Variants in VAMP5 observed in about 807,000 individuals in gnomAD.
The protein encoded by VAMP5 is vesicle associated membrane protein 5, also known as vesicle-associated membrane protein 5.
In VAMP5, 10 loss-of-function variants were observed where a neutral mutation model predicts 8.1. That is an observed-to-expected ratio of 1.23 (90% CI 0.76 to 2.09). The LOEUF is 2.09. Ranked by LOEUF, VAMP5 falls within the 30% of genes most tolerant of loss-of-function variation. The probability of loss-of-function intolerance (pLI) is 0.00; values close to 1 mark genes in which losing one functional copy is unlikely to be tolerated. For missense variants in VAMP5, 135 were observed against 152.5 expected (o/e 0.89, Z 0.60); for synonymous variants, 62 against 60.6 (o/e 1.02, Z -0.11).
In VAMP5 at chr2:85,593,110, G is replaced by GC; in HGVS notation, c.308dup (p.Arg104ThrfsTer91). On this transcript the variant is annotated frameshift_variant, in exon 3 of 3. Coordinates refer to ENST00000306384, the MANE Select transcript of VAMP5 (RefSeq NM_006634.3). LOFTEE classifies it high-confidence loss of function. ...CCCTCAGAGCAGTGACAGCAGTAGT[G>GC]CCCCACGGACCCAGGATGCAGGCAT... The GC allele has an allele frequency of 6.2e-7, 1 of 1,614,242 alleles. No individual in the cohort carries two copies. Among genetic ancestry groups the GC allele is most frequent in the Non-Finnish European group, 8.5e-7 (1 of 1,180,050 alleles).
At chr2:85,591,536 C>T (rs1018667786) in intron 1 of VAMP5, 189 bp from the exon 2 acceptor site, 12 of 796,978 alleles carry the variant, frequency 1.5e-5, no homozygotes, top group Non-Finnish European at 2.3e-5. Flanking sequence ...GCCTGTGAGA[C>T]TTAAGGTGTG....
rs77224842 is a variant in VAMP5, at chr2:85,587,745, G to A, written c.3+3252G>A. 9.1e-3 allele frequency among the ~76,000 whole-genome samples: 1,385 copies of A among 152,306 alleles called. 57 individuals are homozygous for A. In the East Asian group the frequency reaches 0.14, roughly 15 times the overall value. On this transcript the variant is annotated intron_variant, in intron 1 of 2. Transcript: ENST00000306384. ...ATCAGCACTTTACAGAAGAGGAAGT[G>A]GAGGTCAGAAAGGTCATATCCTCAG...
chr2:85,588,013 C>G (rs1672489437), intron 1 of VAMP5, among the ~76,000 whole-genome samples: 1 of 152,086 alleles, frequency 6.6e-6, no homozygotes, highest in Non-Finnish European at 1.5e-5. Flanking sequence ...TTTCTTGAGA[C>G]AGGGTCTCAC....
At chr2:85,585,810 C>T (rs371167888) in intron 1 of VAMP5, among the ~76,000 whole-genome samples, 4 of 152,152 alleles carry the variant, frequency 2.6e-5, no homozygotes, top group Admixed American at 1.3e-4. Context: ...GCCCCTTTAG[C>T]GCTTTCCTTC....
chr2:85,589,811 C>T (rs1415343544), intron 1 of VAMP5, among the ~76,000 whole-genome samples: 1 of 152,084 alleles, frequency 6.6e-6, no homozygotes, highest in East Asian at 1.9e-4. Context: ...GCATGCACCA[C>T]CATGCCTGGC....
intron 1 of VAMP5, among the ~76,000 whole-genome samples, chr2:85,588,246 G>A (rs1203886235): frequency 6.6e-6 from 1 of 152,170 alleles, no homozygotes; most frequent in Non-Finnish European, 1.5e-5. Context: ...GCCTGGCCCA[G>A]ATGGTGTGGT....
At chr2:85,591,202 G>A (rs771069712) in intron 1 of VAMP5, among the ~76,000 whole-genome samples, 8 of 152,248 alleles carry the variant, frequency 5.3e-5, no homozygotes, top group Non-Finnish European at 1.2e-4. Context: ...TCAGTTTGGG[G>A]ATAGAGGGGT....
chr2:85,592,833 G>C (rs1317899292), intron 2 of VAMP5, 115 bp from the exon 3 acceptor site: 3 of 868,224 alleles, frequency 3.5e-6, no homozygotes, highest in Non-Finnish European at 5.6e-6. Flanking sequence ...AAGTAGACAA[G>C]ATGGGGAGGA....
intron 2 of VAMP5, 100 bp downstream of exon 2, chr2:85,591,962 T>C (rs1672546076): frequency 3.9e-6 from 6 of 1,538,200 alleles, no homozygotes; most frequent in Non-Finnish European, 5.3e-6. Flanking sequence ...GGTTGAGGCC[T>C]TCTTGAGGGC....
intron 1 of VAMP5, among the ~76,000 whole-genome samples, chr2:85,589,869 G>A (rs1672514323): frequency 6.6e-6 from 1 of 152,124 alleles, no homozygotes; most frequent in Admixed American, 6.6e-5. Flanking sequence ...TGTTGGCCAG[G>A]CTGGTCTCGA....
At chr2:85,591,542 G>A in intron 1 of VAMP5, 183 bp from the exon 2 acceptor site, 1 of 827,212 alleles carries the variant, frequency 1.2e-6, no homozygotes, top group Non-Finnish European at 1.8e-6. Flanking sequence ...GAGACTTAAG[G>A]TGTGCCGCAC....
intron 2 of VAMP5, among the ~76,000 whole-genome samples, chr2:85,592,528 C>T (rs1017693597): frequency 2.6e-5 from 4 of 152,060 alleles, no homozygotes; most frequent in African/African-American, 7.2e-5. Context: ...CAAGGCCGGG[C>T]GCGGTGTCTC....
At chr2:85,591,019 G>T (rs1007727504) in intron 1 of VAMP5, among the ~76,000 whole-genome samples, 2 of 152,240 alleles carry the variant, frequency 1.3e-5, no homozygotes, top group African/African-American at 4.8e-5. Flanking sequence ...ATCTCTGTAA[G>T]TTGGACCCCA....
At chr2:85,587,631 C>T (rs1279899326) in intron 1 of VAMP5, among the ~76,000 whole-genome samples, 1 of 151,670 alleles carries the variant, frequency 6.6e-6, no homozygotes, top group Non-Finnish European at 1.5e-5. Flanking sequence ...AATATAATAG[C>T]TCTTATTTAT....
intron 1 of VAMP5, 40 bp from the exon 2 acceptor site, chr2:85,591,685 G>T: frequency 6.2e-7 from 1 of 1,613,244 alleles, no homozygotes; most frequent in Non-Finnish European, 8.5e-7. Flanking sequence ...AGGGCCAGGT[G>T]GGGGCCTCAT....
chr2:85,585,711 A>G (rs992052150), intron 1 of VAMP5, among the ~76,000 whole-genome samples: 1 of 152,136 alleles, frequency 6.6e-6, no homozygotes, highest in East Asian at 1.9e-4. Flanking sequence ...TCACGGGTAC[A>G]TTTGAGGCAG....
intron 1 of VAMP5, 155 bp from the exon 2 acceptor site, chr2:85,591,570 C>A (rs974617011): frequency 1.7e-6 from 2 of 1,169,472 alleles, no homozygotes; most frequent in South Asian, 1.6e-5. Flanking sequence ...GAAGGCCAGA[C>A]CTTCACTCCG....
intron 1 of VAMP5, among the ~76,000 whole-genome samples, chr2:85,585,124 A>T (rs1366953366): frequency 6.6e-6 from 1 of 152,162 alleles, no homozygotes; most frequent in African/African-American, 2.4e-5. Context: ...AGAAAGGGAG[A>T]TGTTTACTCT....
chr2:85,590,466 T>C (rs2104049392), intron 1 of VAMP5, among the ~76,000 whole-genome samples: 1 of 152,118 alleles, frequency 6.6e-6, no homozygotes, highest in South Asian at 2.1e-4. Context: ...ACTCATACAG[T>C]GGGAATTCTT....
Sources: gnomAD v4.1 joint callset for allele counts (sites outside exome capture counted in the v4.1 genomes callset) on GRCh38, gnomAD v4.1.1 for gene constraint, MANE v1.5 for transcripts, NCBI Gene and HGNC (gene_info 2026-07-23, HGNC 2026-07-21) for gene names.